CUX1: variants seen among roughly 807,000 people sequenced by gnomAD.
CUX1 encodes protein CASP.
CUX1 carries 31 observed loss-of-function variants against 158.8 expected under a neutral mutation model. That is an observed-to-expected ratio of 0.20 (90% CI 0.15 to 0.26). The LOEUF is 0.26. Ranked by LOEUF, CUX1 falls within the 10% of genes least tolerant of loss-of-function variation. The pLI, the probability that CUX1 is intolerant of heterozygous loss-of-function variation, is 1.00. For synonymous variants in CUX1, 879 were observed against 862.1 expected (o/e 1.02, Z -0.34); for missense variants, 1,589 against 2,014.6 (o/e 0.79, Z 4.04).
chr7:102,234,995 C>G (rs552758915), intron 22 of CUX1, among the ~76,000 whole-genome samples: 35 of 152,116 alleles, frequency 2.3e-4, no homozygotes, highest in Non-Finnish European at 4.1e-4. Flanking sequence ...CCAAGGTCAC[C>G]CGGCCTGGAA....
chr7:101,876,724 T>C (rs942567912), intron 1 of CUX1, among the ~76,000 whole-genome samples: 4 of 151,892 alleles, frequency 2.6e-5, no homozygotes, highest in African/African-American at 9.7e-5. Context: ...AAAGAAAATA[T>C]CTTTCAATGA....
chr7:102,176,049 C>T (rs1360679770), intron 10 of CUX1, among the ~76,000 whole-genome samples: 7 of 152,180 alleles, frequency 4.6e-5, no homozygotes, highest in East Asian at 3.9e-4. Context: ...AGGAGATGCT[C>T]GCTCCAGCCC....
chr7:101,821,671 CTTTTTTTTTTTT>C (rs58793343), intron 1 of CUX1, among the ~76,000 whole-genome samples: 4 of 51,302 alleles, frequency 7.8e-5, no homozygotes, highest in South Asian at 1.1e-3. Context: ...TTTCTTTTTT[CTTTTTTTTTTTT>C]TTTTTTTTTT....
At chr7:101,876,823 T>C (rs1298064574) in intron 1 of CUX1, among the ~76,000 whole-genome samples, 1 of 152,196 alleles carries the variant, frequency 6.6e-6, no homozygotes, top group Non-Finnish European at 1.5e-5. Context: ...TTTCATCAAA[T>C]TGATCCTCTT....
chr7:101,850,031 C>T (rs895156619), intron 1 of CUX1, among the ~76,000 whole-genome samples: 11 of 145,656 alleles, frequency 7.6e-5, no homozygotes, highest in Non-Finnish European at 4.4e-5. Context: ...TCAAGCTATT[C>T]TTCTGCCTCA....
intron 3 of CUX1, among the ~76,000 whole-genome samples, chr7:102,065,867 T>C (rs996058771): frequency 1.3e-4 from 18 of 134,818 alleles, no homozygotes; most frequent in African/African-American, 2.0e-4. Flanking sequence ...CTCGGCTCAC[T>C]GCAACCTCCG....
At chr7:102,075,811 T>TA (rs568401381) in intron 4 of CUX1, among the ~76,000 whole-genome samples, 341 of 152,352 alleles carry the variant, frequency 2.2e-3, no homozygotes, top group African/African-American at 7.9e-3. Flanking sequence ...TATAAAGATT[T>TA]ACATGCCTGC....
chr7:102,129,715 C>G (rs868949178), intron 8 of CUX1, among the ~76,000 whole-genome samples: 50 of 152,188 alleles, frequency 3.3e-4, no homozygotes, highest in Middle Eastern at 3.4e-3. Context: ...GGTTAATAAT[C>G]TAGTAACTAA....
intron 2 of CUX1, among the ~76,000 whole-genome samples, chr7:102,002,311 A>C (rs1040025006): frequency 6.6e-5 from 10 of 152,286 alleles, no homozygotes; most frequent in Non-Finnish European, 1.3e-4. Context: ...GAAAGAAAAA[A>C]TAAATATATA....
chr7:102,065,092 T>G (rs1382340401), intron 3 of CUX1, among the ~76,000 whole-genome samples: 6 of 151,886 alleles, frequency 4.0e-5, no homozygotes. Context: ...TTCTGGTTGT[T>G]TTTTTTTAAG....
chr7:101,964,416 T>C (rs1447946024), intron 2 of CUX1, among the ~76,000 whole-genome samples: 1 of 152,174 alleles, frequency 6.6e-6, no homozygotes, highest in Non-Finnish European at 1.5e-5. Context: ...CCAAATTTTG[T>C]ATGTTTTAGC....
chr7:102,113,664 C>T (rs570584810), intron 7 of CUX1, among the ~76,000 whole-genome samples: 1 of 150,806 alleles, frequency 6.6e-6, no homozygotes, highest in South Asian at 2.1e-4. Context: ...CTGAAGTGAT[C>T]CTCCTGCCTC....
chr7:102,165,776 T>C (rs1174434382), intron 9 of CUX1, among the ~76,000 whole-genome samples: 1 of 152,148 alleles, frequency 6.6e-6, no homozygotes, highest in African/African-American at 2.4e-5. Flanking sequence ...CGTGGACCCC[T>C]GGTTCCGGCT....
At chr7:102,154,617 T>A (rs1554504576) in intron 8 of CUX1, among the ~76,000 whole-genome samples, 1 of 151,336 alleles carries the variant, frequency 6.6e-6, no homozygotes, top group Non-Finnish European at 1.5e-5. Context: ...AATAAATAAA[T>A]AAATAAATAA....
Position 102,155,549 on chromosome 7 carries a change from G to GC in CUX1, c.675-3011_675-3010insC, listed in dbSNP as rs1554504996. Among the ~76,000 whole-genome samples, 445 of 143,014 alleles carry GC rather than the reference G, an allele frequency of 3.1e-3. 3 individuals carry two copies. Among genetic ancestry groups the GC allele is most frequent in the African/African-American group, 0.011 (412 of 39,060 alleles). 93.8% of individuals were successfully genotyped at this position (143,014 alleles called of 152,430 possible). On this transcript the variant is annotated intron_variant, in intron 8 of 23. Coordinates refer to ENST00000292535, the MANE Select transcript of CUX1 (RefSeq NM_181552.4). ...TGAGAGTGAGACCCTGTCTCAAAAA[G>GC]AAAAAAAAAAACAACACAAAAAATC...
intron 18 of CUX1, among the ~76,000 whole-genome samples, chr7:102,279,459 G>A (rs1244117952): frequency 6.6e-6 from 1 of 152,240 alleles, no homozygotes; most frequent in Non-Finnish European, 1.5e-5. Flanking sequence ...AGGGAGGCCT[G>A]TGCGTGGCTT....
chr7:101,983,792 A>G lies in CUX1; in HGVS notation c.142-44306A>G, dbSNP rs576965174. ...CCAGGAGGTGGGCACCAAGCCATTC[A>G]TGAGCAATCTGCCCTCATGGCCCAA... On this transcript the variant is annotated intron_variant, in intron 2 of 23. Transcript: ENST00000292535. Among the ~76,000 whole-genome samples the G allele has an allele frequency of 2.0e-5, 3 of 152,120 alleles. No individual in the cohort carries two copies. The South Asian group carries it at 6.2e-4, about 32-fold the overall frequency.
At chr7:101,841,646 CT>C (rs1795208356) in intron 1 of CUX1, among the ~76,000 whole-genome samples, 1 of 152,116 alleles carries the variant, frequency 6.6e-6, no homozygotes, top group Non-Finnish European at 1.5e-5. Flanking sequence ...CAGCCTCTGC[CT>C]CCCGGGTTCA....
chr7:102,145,668 C>T (rs1231087629), intron 8 of CUX1, among the ~76,000 whole-genome samples: 4 of 152,070 alleles, frequency 2.6e-5, no homozygotes, highest in African/African-American at 4.8e-5. Context: ...ATGGGAGGGC[C>T]GGGCGCGGTG....
Sources: gnomAD v4.1 joint callset for allele counts (sites outside exome capture counted in the v4.1 genomes callset) on GRCh38, gnomAD v4.1.1 for gene constraint, MANE v1.5 for transcripts, NCBI Gene and HGNC (gene_info 2026-07-23, HGNC 2026-07-21) for gene names.